The following RBMS1 variants were observed in gnomAD, a reference collection of about 807,000 sequenced individuals.
RBMS1 encodes the protein RNA-binding motif, single-stranded-interacting protein 1.
In RBMS1, 17 loss-of-function variants were observed where a neutral mutation model predicts 62.3. That is an observed-to-expected ratio of 0.27 (90% CI 0.19 to 0.41). The LOEUF is 0.41. Among genes scored for constraint, RBMS1 ranks in the 10% least tolerant of loss-of-function variants. RBMS1 has a pLI of 1.00. For synonymous variants in RBMS1, 172 were observed against 170.0 expected (o/e 1.01, Z -0.09); for missense variants, 334 against 504.5 (o/e 0.66, Z 3.24).
At position 160,378,617 on chromosome 2, in the gene RBMS1, TAA is replaced by T. The variant is rs143464660; in HGVS notation, c.76-11228_76-11227del. Among the ~76,000 whole-genome samples the T allele has an allele frequency of 1.1e-3, 138 of 124,090 alleles. 1 individual carries two copies. The highest frequency in any genetic ancestry group is 1.8e-3 in the Admixed American group (23 of 12,532). The allele number at this position is 124,090 out of a possible 152,430, so 81.4% of individuals were successfully genotyped here. A position where few individuals can be genotyped will look rare whatever the true frequency, so the allele number is the denominator to read the frequency against. ...GGGCACCAAAGTAAGACTCTATCTA[TAA>T]AAAAAAAAAAAAAGCACTTTGATGC... On this transcript the variant is annotated intron_variant, in intron 1 of 13. Coordinates refer to ENST00000348849, the MANE Select transcript of RBMS1 (RefSeq NM_016836.4).
At chr2:160,366,117 A>G (rs1693379547) in intron 2 of RBMS1, among the ~76,000 whole-genome samples, 1 of 152,218 alleles carries the variant, frequency 6.6e-6, no homozygotes, top group African/African-American at 2.4e-5. Flanking sequence ...CTGAAGAGCA[A>G]CCACCTGCTG....
At chr2:160,413,781 A>C (rs776691375) in intron 1 of RBMS1, among the ~76,000 whole-genome samples, 31 of 152,318 alleles carry the variant, frequency 2.0e-4, no homozygotes, top group Middle Eastern at 3.4e-3. Context: ...TTCTAAGCAC[A>C]TTACACACAC....
chr2:160,348,088 T>G (rs1692286368), intron 2 of RBMS1, among the ~76,000 whole-genome samples: 2 of 152,088 alleles, frequency 1.3e-5, no homozygotes, highest in Non-Finnish European at 1.5e-5. Flanking sequence ...TTCCTAATTG[T>G]GATCCAATTA....
chr2:160,470,419 CATAT>C (rs1684868816), intron 1 of RBMS1, among the ~76,000 whole-genome samples: 1 of 152,128 alleles, frequency 6.6e-6, no homozygotes, highest in Admixed American at 6.6e-5. Context: ...GATTTGCATA[CATAT>C]AAATTTTCTA....
chr2:160,319,004 C>T (rs1052679354), intron 2 of RBMS1, among the ~76,000 whole-genome samples: 1 of 152,012 alleles, frequency 6.6e-6, no homozygotes, highest in African/African-American at 2.4e-5. Context: ...CCTTTATGTG[C>T]CATAGATGCT....
At chr2:160,474,759 C>T (rs1685057352) in intron 1 of RBMS1, among the ~76,000 whole-genome samples, 1 of 152,020 alleles carries the variant, frequency 6.6e-6, no homozygotes, top group Admixed American at 6.6e-5. Context: ...ATTCTTATGA[C>T]CTATTAAAGA....
At position 160,482,065 on chromosome 2, in the gene RBMS1, TTAA is replaced by T. The variant is rs1173915558; in HGVS notation, c.75+11221_75+11223del. Among the ~76,000 whole-genome samples, 7 of 151,318 alleles carry T rather than the reference TTAA, an allele frequency of 4.6e-5. 1 individual carries two copies. In the South Asian group the frequency reaches 6.2e-4, roughly 13 times the overall value. On this transcript the variant is annotated intron_variant, in intron 1 of 13. Transcript: ENST00000348849. ...TAAATTGAAATAATCCAAATGCTCA[TTAA>T]TAATATAATGGATACATAAATTTTG...
At chr2:160,380,064 T>C (rs1694200918) in intron 1 of RBMS1, among the ~76,000 whole-genome samples, 1 of 152,224 alleles carries the variant, frequency 6.6e-6, no homozygotes, top group Non-Finnish European at 1.5e-5. Context: ...TCATTTTCCA[T>C]TGTTATCCCA....
At chr2:160,373,760 T>C (rs966356573) in intron 1 of RBMS1, among the ~76,000 whole-genome samples, 4 of 152,198 alleles carry the variant, frequency 2.6e-5, no homozygotes, top group Admixed American at 6.5e-5. Flanking sequence ...TGCCAGAGAA[T>C]GCATTCATCA....
At chr2:160,309,214 G>C (rs1310995158) in intron 4 of RBMS1, among the ~76,000 whole-genome samples, 1 of 152,202 alleles carries the variant, frequency 6.6e-6, no homozygotes, top group African/African-American at 2.4e-5. Flanking sequence ...TATGGGGAGA[G>C]AAACGCTGAA....
At chr2:160,281,261 A>G in intron 10 of RBMS1, 53 bp downstream of exon 10, 1 of 1,439,432 alleles carries the variant, frequency 6.9e-7, no homozygotes. Flanking sequence ...CCTAGAGAGA[A>G]TATACACATA....
intron 2 of RBMS1, among the ~76,000 whole-genome samples, chr2:160,319,055 A>G (rs1291004711): frequency 6.6e-6 from 1 of 152,220 alleles, no homozygotes; most frequent in Non-Finnish European, 1.5e-5. Context: ...AATTTAGCAT[A>G]CTGCTACTGA....
chr2:160,288,226 A>G (rs1688505026), intron 6 of RBMS1, among the ~76,000 whole-genome samples: 1 of 152,164 alleles, frequency 6.6e-6, no homozygotes, highest in African/African-American at 2.4e-5. Flanking sequence ...TCCTTTGTCT[A>G]CTGTAGAACC....
intron 1 of RBMS1, among the ~76,000 whole-genome samples, chr2:160,449,933 C>T (rs1411541450): frequency 3.9e-5 from 6 of 152,154 alleles, no homozygotes; most frequent in Non-Finnish European, 7.3e-5. Context: ...ATTTTCAGCT[C>T]TATACATCTC....
At chr2:160,421,063 C>G (rs1696402782) in intron 1 of RBMS1, among the ~76,000 whole-genome samples, 1 of 152,170 alleles carries the variant, frequency 6.6e-6, no homozygotes, top group African/African-American at 2.4e-5. Flanking sequence ...CTTCCCCACA[C>G]CAAGAGGCAC....
intron 6 of RBMS1, among the ~76,000 whole-genome samples, chr2:160,293,215 G>T (rs988805462): frequency 1.2e-4 from 18 of 152,126 alleles, no homozygotes; most frequent in African/African-American, 4.3e-4. Context: ...AAAAACCTTT[G>T]AAAAATCTCC....
intron 1 of RBMS1, among the ~76,000 whole-genome samples, chr2:160,470,469 G>A (rs1684870442): frequency 6.6e-6 from 1 of 152,054 alleles, no homozygotes; most frequent in Non-Finnish European, 1.5e-5. Flanking sequence ...ATTTAAAAAT[G>A]TTACCTGTAA....
Position 160,287,072 on chromosome 2 carries a change from G to A in RBMS1, c.653C>T (p.Pro218Leu), listed in dbSNP as rs1688437478. Residue 218 changes from proline (P) to leucine (L), a missense_variant, in exon 7 of 14, where the codon CCT (proline) becomes CTT (leucine). Physicochemically the swap from Pro to Leu is moderately conservative, Grantham distance 98 (BLOSUM62 -3). Transcript: ENST00000348849. ...TPPGVSAPTE[P>L]LLCKFADGGQ... is the part of the protein sequence containing the mutation. ...TCCATCAGCAAACTTACACAATAAA[G>A]GTTCTGTGGGGGCTAAGTAAACAGA... 1 of 1,613,954 alleles carries A rather than the reference G, an allele frequency of 6.2e-7. No homozygotes were observed. The highest frequency in any genetic ancestry group is 1.3e-5 in the African/African-American group (1 of 74,974).
chr2:160,489,534 T>TA (rs2105368182), intron 1 of RBMS1, among the ~76,000 whole-genome samples: 1 of 152,218 alleles, frequency 6.6e-6, no homozygotes, highest in South Asian at 2.1e-4. Flanking sequence ...AGGAATTCAA[T>TA]AAAAAATGCA....
Sources: allele counts gnomAD v4.1 joint callset (sites outside exome capture counted in the v4.1 genomes callset), GRCh38; gene constraint gnomAD v4.1.1; transcripts MANE v1.5; gene names NCBI Gene and HGNC (gene_info 2026-07-23, HGNC 2026-07-21).